RGS12: variants seen among roughly 807,000 people sequenced by gnomAD.
RGS12 encodes the protein regulator of G-protein signaling 12.
Under a neutral mutation model 120.1 loss-of-function variants are expected in RGS12, and 66 were observed. The observed-to-expected ratio is 0.55, with a 90% confidence interval of 0.45 to 0.67. The LOEUF (loss-of-function observed/expected upper bound fraction) is 0.67, where lower values mean the gene tolerates loss of function less well. Ranked by LOEUF, RGS12 falls within the 30% of genes least tolerant of loss-of-function variation. RGS12 has a pLI of 0.00. For synonymous variants in RGS12, 827 were observed against 804.7 expected (o/e 1.03, Z -0.47); for missense variants, 1,859 against 1,957.7 (o/e 0.95, Z 0.95).
intron 14 of RGS12, among the ~76,000 whole-genome samples, chr4:3,427,557 G>A (rs559387490): frequency 1.3e-5 from 2 of 152,292 alleles, no homozygotes; most frequent in South Asian, 4.1e-4. Context: ...CCAGCATGGT[G>A]AAACCTCGTT....
intron 4 of RGS12, among the ~76,000 whole-genome samples, chr4:3,410,200 C>T (rs780051037): frequency 1.8e-4 from 27 of 152,230 alleles, no homozygotes; most frequent in Non-Finnish European, 3.8e-4. Context: ...ACTGCTGCCT[C>T]GAATTCTGGG....
chr4:3,382,109 C>T (rs1035674734), intron 3 of RGS12, among the ~76,000 whole-genome samples: 4 of 152,088 alleles, frequency 2.6e-5, no homozygotes, highest in Non-Finnish European at 5.9e-5. Flanking sequence ...TGGCTAGTTA[C>T]GTCTTTTCAG....
At chr4:3,373,063 C>T (rs1037405719) in intron 3 of RGS12, among the ~76,000 whole-genome samples, 1 of 152,038 alleles carries the variant, frequency 6.6e-6, no homozygotes, top group African/African-American at 2.4e-5. Flanking sequence ...CAGCGAGGCT[C>T]GAGGCAGACA....
intron 1 of RGS12, among the ~76,000 whole-genome samples, chr4:3,311,371 G>T (rs1045429974): frequency 2.6e-5 from 4 of 152,182 alleles, no homozygotes; most frequent in Non-Finnish European, 5.9e-5. Flanking sequence ...CCTTTTATAG[G>T]AGGTTTTAAC....
rs1034029830 is a variant in RGS12, at chr4:3,354,433, T to C, written c.1998+11380T>C. Among the ~76,000 whole-genome samples, 2 of 152,228 alleles carry C rather than the reference T, an allele frequency of 1.3e-5. 1 individual carries two copies. The highest frequency in any genetic ancestry group is 2.9e-5 in the Non-Finnish European group (2 of 68,038). On this transcript the variant is annotated intron_variant, in intron 3 of 17. Transcript: ENST00000336727. ...ACTCTCTCTCCCAAATGGACTTTCA[T>C]GTGATGCCACACTCAGTAAGTGCAT...
the RGS12 span, among the ~76,000 whole-genome samples, chr4:3,286,929 C>T: frequency 6.6e-6 from 1 of 152,204 alleles, no homozygotes; most frequent in African/African-American, 2.4e-5. Context: ...TCCGCCCAGG[C>T]CGGGAGCTCC....
intron 2 of RGS12, among the ~76,000 whole-genome samples, chr4:3,338,480 G>C (rs1255872588): frequency 2.0e-5 from 3 of 152,350 alleles, no homozygotes; most frequent in East Asian, 3.9e-4. Context: ...ATGCTTTTCT[G>C]GGCCTGTGTG....
intron 4 of RGS12, among the ~76,000 whole-genome samples, chr4:3,398,575 A>G (rs1720273043): frequency 6.6e-6 from 1 of 152,234 alleles, no homozygotes; most frequent in Admixed American, 6.5e-5. Context: ...CAATATTAAT[A>G]TCAGACAAAG....
intron 2 of RGS12, among the ~76,000 whole-genome samples, chr4:3,336,626 C>T (rs1712501215): frequency 6.6e-6 from 1 of 152,222 alleles, no homozygotes; most frequent in African/African-American, 2.4e-5. Context: ...CCTTGCCCCA[C>T]TGGGGCTTAG....
intron 1 of RGS12, among the ~76,000 whole-genome samples, chr4:3,315,401 T>G (rs1724673123): frequency 1.3e-5 from 2 of 152,180 alleles, no homozygotes; most frequent in Non-Finnish European, 2.9e-5. Flanking sequence ...TTTCTGCTTT[T>G]TTAGGTGGTG....
intron 3 of RGS12, among the ~76,000 whole-genome samples, chr4:3,364,152 T>C (rs879434528): frequency 9.9e-5 from 15 of 152,190 alleles, no homozygotes; most frequent in Non-Finnish European, 2.2e-4. Context: ...TGTAACTGTT[T>C]GTAAGGGTTG....
At chr4:3,379,174 G>A (rs1002663070) in intron 3 of RGS12, among the ~76,000 whole-genome samples, 5 of 152,288 alleles carry the variant, frequency 3.3e-5, no homozygotes, top group East Asian at 1.9e-4. Flanking sequence ...ATTCATGGAC[G>A]CAGAGAGTAG....
chr4:3,381,381 G>A (rs938448553), intron 3 of RGS12, among the ~76,000 whole-genome samples: 5 of 152,092 alleles, frequency 3.3e-5, no homozygotes, highest in Admixed American at 6.5e-5. Flanking sequence ...ATATCTTTAC[G>A]GCAGCACCCT....
At chr4:3,335,751 C>T (rs1712389477) in intron 2 of RGS12, among the ~76,000 whole-genome samples, 1 of 152,082 alleles carries the variant, frequency 6.6e-6, no homozygotes, top group Admixed American at 6.5e-5. Flanking sequence ...CGTACCCCTG[C>T]GCTCCAGCCT....
chr4:3,292,281 G>A (rs549257784), upstream of RGS12, among the ~76,000 whole-genome samples: 91 of 151,962 alleles, frequency 6.0e-4, no homozygotes, highest in African/African-American at 1.9e-3. Context: ...GGCCGGGGCC[G>A]GGCAGCTCCT....
intron 10 of RGS12, 32 bp from the exon 11 acceptor site, chr4:3,422,344 C>G: frequency 6.3e-7 from 1 of 1,584,080 alleles, no homozygotes; most frequent in Non-Finnish European, 8.6e-7. Context: ...GACGCTGGTT[C>G]CCTCACGGCT....
intron 3 of RGS12, among the ~76,000 whole-genome samples, chr4:3,367,269 G>A (rs58982717): frequency 0.32 from 48,650 of 152,252 alleles, 8,185 homozygotes; most frequent in African/African-American, 0.44. Context: ...TGGGATCCGC[G>A]GTGGGCCTGC....
chr4:3,430,642 C>G lies in RGS12; in HGVS notation c.3801C>G (p.Ser1267Arg). Reference sequence around the variant, plus strand: ...AGCAGTGGGAGCCAGTCCAGGAGAGCAGCGACAGCCCGTCCACCAGCCCGG... The same window carrying G: ...AGCAGTGGGAGCCAGTCCAGGAGAGGAGCGACAGCCCGTCCACCAGCCCGG... ...PGEQWEPVQE[S>R]SDSPSTSPGS... Residue 1267 changes from serine to arginine, a missense_variant, in exon 17 of 18, where the codon AGC becomes AGG. Ser to Arg is a moderately radical substitution (Grantham distance 110, BLOSUM62 -1). Transcript: ENST00000336727. 2 of 1,600,080 alleles carry G rather than the reference C, an allele frequency of 1.2e-6. No individual in the cohort carries two copies. The highest frequency in any genetic ancestry group is 1.7e-6 in the Non-Finnish European group (2 of 1,172,484).
chr4:3,386,894 A>G (rs1290985334), intron 4 of RGS12, among the ~76,000 whole-genome samples: 1 of 152,228 alleles, frequency 6.6e-6, no homozygotes, highest in Non-Finnish European at 1.5e-5. Context: ...TGTGGGATGA[A>G]GAGGAATCAA....
Sources: gnomAD v4.1 joint callset for allele counts (sites outside exome capture counted in the v4.1 genomes callset) on GRCh38, gnomAD v4.1.1 for gene constraint, MANE v1.5 for transcripts, NCBI Gene and HGNC (gene_info 2026-07-23, HGNC 2026-07-21) for gene names.